The following RASA2 variants were observed in gnomAD, a reference collection of about 807,000 sequenced individuals.
RASA2 encodes RAS p21 protein activator 2.
Under a neutral mutation model 118.2 loss-of-function variants are expected in RASA2, and 155 were observed. The observed-to-expected ratio is 1.31, with a 90% CI of 1.15 to 1.50. The LOEUF (loss-of-function observed/expected upper bound fraction) is 1.50, where lower values mean the gene tolerates loss of function less well. RASA2 is among the 40% of genes most tolerant of loss of function. The pLI, the probability that RASA2 is intolerant of heterozygous loss-of-function variation, is 0.00. For missense variants in RASA2, 1,016 were observed against 1,009.6 expected, an observed-to-expected ratio of 1.01 and a Z score of -0.09; for synonymous variants, 353 against 349.1, an observed-to-expected ratio of 1.01 and a Z score of -0.12.
intron 11 of RASA2, among the ~76,000 whole-genome samples, chr3:141,572,134 C>T (rs2082934291): frequency 6.6e-6 from 1 of 150,506 alleles, no homozygotes; most frequent in African/African-American, 2.4e-5. Flanking sequence ...CTTTTTCACC[C>T]AGGTTGGAGT....
intron 1 of RASA2, among the ~76,000 whole-genome samples, chr3:141,497,321 TAA>T (rs71151492): frequency 2.8e-4 from 39 of 141,032 alleles, no homozygotes; most frequent in East Asian, 1.7e-3. Context: ...TAAAGTATAA[TAA>T]AAAAAAAAAA....
intron 3 of RASA2, among the ~76,000 whole-genome samples, chr3:141,519,988 A>G (rs1466706639): frequency 1.4e-5 from 2 of 146,384 alleles, no homozygotes; most frequent in African/African-American, 5.0e-5. Flanking sequence ...AAGAAGAACA[A>G]TTTCTTTTCT....
intron 19 of RASA2, among the ~76,000 whole-genome samples, chr3:141,592,569 A>G (rs1358331681): frequency 1.3e-5 from 2 of 152,222 alleles, no homozygotes; most frequent in African/African-American, 4.8e-5. Flanking sequence ...TACATGGAGA[A>G]TGAATGAAGG....
intron 1 of RASA2, among the ~76,000 whole-genome samples, chr3:141,509,448 A>G (rs2081917297): frequency 1.3e-5 from 2 of 152,250 alleles, no homozygotes. Flanking sequence ...AAACAGAAAC[A>G]TGTTCAGGGA....
chr3:141,586,686 A>C lies in RASA2; in HGVS notation c.1867A>C (p.Lys623Gln), dbSNP rs771450232. Residue 623 changes from lysine (K) to glutamine (Q), a missense_variant, in exon 19 of 24, where the codon AAA becomes CAA. Coordinates refer to ENST00000286364, the MANE Select transcript of RASA2 (RefSeq NM_006506.5). ...KRAQGRTRIG[K>Q]KNFKKRWFCL... ...AGCTCAAGGAAGAACTCGGATTGGA[A>C]AAAAGAATTTTAAGAAACGATGGTT... The C allele has an allele frequency of 6.2e-7, 1 of 1,613,654 alleles. No homozygotes were observed. The highest frequency in any genetic ancestry group is 1.1e-5 in the South Asian group (1 of 91,044).
chr3:141,590,269 A>T (rs1025495834), intron 19 of RASA2: 2 of 413,380 alleles, frequency 4.8e-6, no homozygotes, highest in South Asian at 3.5e-5. Context: ...AGCTAAATGC[A>T]TTTACTCCGC....
intron 16 of RASA2, 107 bp from the exon 17 acceptor site, chr3:141,580,993 A>G (rs572339151): frequency 8.4e-7 from 1 of 1,192,722 alleles, no homozygotes; most frequent in South Asian, 2.0e-5. Context: ...CTCTGAAAAT[A>G]TATAATTGAG....
chr3:141,504,545 A>G (rs1248688144), intron 1 of RASA2, among the ~76,000 whole-genome samples: 2 of 152,040 alleles, frequency 1.3e-5, no homozygotes, highest in South Asian at 2.1e-4. Flanking sequence ...TTCAAAATAC[A>G]TGCCCAAATG....
At chr3:141,612,156 A>G (rs1172183190) in intron 23 of RASA2, 127 bp from the exon 24 acceptor site, 1 of 725,476 alleles carries the variant, frequency 1.4e-6, no homozygotes, top group Non-Finnish European at 2.3e-6. Context: ...CATTGAATTA[A>G]TGAAACAACA....
intron 1 of RASA2, among the ~76,000 whole-genome samples, chr3:141,505,566 A>G (rs1389631681): frequency 1.3e-5 from 2 of 152,240 alleles, no homozygotes; most frequent in African/African-American, 4.8e-5. Context: ...GTACTGCTAC[A>G]GCATAATTTG....
At chr3:141,494,754 C>G (rs1221961007) in intron 1 of RASA2, among the ~76,000 whole-genome samples, 1 of 151,848 alleles carries the variant, frequency 6.6e-6, no homozygotes, top group Non-Finnish European at 1.5e-5. Flanking sequence ...TTTTGATGTG[C>G]TATGTGAACT....
At chr3:141,611,575 C>A (rs963056423) in intron 23 of RASA2, among the ~76,000 whole-genome samples, 3 of 152,098 alleles carry the variant, frequency 2.0e-5, no homozygotes, top group Non-Finnish European at 4.4e-5. Context: ...GCTAGAGAAA[C>A]GGAGGCTTAG....
chr3:141,559,824 G>A (rs2082703854), intron 8 of RASA2, 70 bp from the exon 9 acceptor site: 2 of 1,248,478 alleles, frequency 1.6e-6, no homozygotes, highest in Non-Finnish European at 2.3e-6. Flanking sequence ...AAAGTAATTT[G>A]AAGCTGTTTT....
At chr3:141,514,954 T>C (rs1316328648) in intron 2 of RASA2, among the ~76,000 whole-genome samples, 2 of 152,148 alleles carry the variant, frequency 1.3e-5, no homozygotes, top group Non-Finnish European at 2.9e-5. Flanking sequence ...AGGATAGATG[T>C]ATAGTGATAG....
intron 19 of RASA2, 161 bp from the exon 20 acceptor site, chr3:141,607,517 A>C (rs147200383): frequency 5.3e-5 from 35 of 658,150 alleles, no homozygotes; most frequent in African/African-American, 5.1e-4. Context: ...CATCTGTTCC[A>C]TGAAACAAAT....
chr3:141,487,815 G>A (rs1012948318), intron 1 of RASA2, among the ~76,000 whole-genome samples: 1 of 152,164 alleles, frequency 6.6e-6, no homozygotes, highest in Admixed American at 6.5e-5. Context: ...GCTACCGCGC[G>A]GTCTGTTCGC....
chr3:141,558,514 A>AG (rs1412105251), intron 7 of RASA2, among the ~76,000 whole-genome samples: 2 of 152,146 alleles, frequency 1.3e-5, no homozygotes, highest in Non-Finnish European at 2.9e-5. Flanking sequence ...GTGATCTGTG[A>AG]GGAAGCCAAG....
intron 1 of RASA2, among the ~76,000 whole-genome samples, chr3:141,507,858 A>G (rs1425058890): frequency 6.6e-6 from 1 of 152,188 alleles, no homozygotes; most frequent in Non-Finnish European, 1.5e-5. Flanking sequence ...TCACATTTAC[A>G]ACTGTAGCCA....
intron 9 of RASA2, among the ~76,000 whole-genome samples, chr3:141,565,820 G>T (rs1237788893): frequency 6.6e-6 from 1 of 152,178 alleles, no homozygotes; most frequent in Non-Finnish European, 1.5e-5. Flanking sequence ...TAACAGGCTT[G>T]TTTCTAATTA....
Sources: allele counts gnomAD v4.1 joint callset (sites outside exome capture counted in the v4.1 genomes callset), GRCh38; gene constraint gnomAD v4.1.1; transcripts MANE v1.5; gene names NCBI Gene and HGNC (gene_info 2026-07-23, HGNC 2026-07-21).